Variants in DEPDC1B observed in about 807,000 individuals in gnomAD.
The protein encoded by DEPDC1B is DEP domain-containing protein 1B.
Under a neutral mutation model 66.5 loss-of-function variants are expected in DEPDC1B, and 51 were observed. The observed-to-expected ratio is 0.77, with a 90% CI of 0.61 to 0.97. The LOEUF (loss-of-function observed/expected upper bound fraction) is 0.97. Among genes scored for constraint, DEPDC1B ranks in the 50% least tolerant of loss-of-function variants. The probability of loss-of-function intolerance (pLI) is 0.00; values close to 1 mark genes in which losing one functional copy is unlikely to be tolerated. For missense variants in DEPDC1B, 552 were observed against 637.1 expected (o/e 0.87, Z 1.44); for synonymous variants, 226 against 223.6 (o/e 1.01, Z -0.10).
chr5:60,635,081 A>AC (rs397707390), intron 7 of DEPDC1B, among the ~76,000 whole-genome samples: 4 of 150,526 alleles, frequency 2.7e-5, no homozygotes, highest in East Asian at 2.0e-4. Context: ...AAAAAAAAAA[A>AC]CTCCGGCCAT....
At chr5:60,689,917 C>G (rs976000777) in intron 1 of DEPDC1B, among the ~76,000 whole-genome samples, 1 of 152,052 alleles carries the variant, frequency 6.6e-6, no homozygotes, top group Non-Finnish European at 1.5e-5. Context: ...TGGTGTGTGC[C>G]TGTAGCTGCA....
chr5:60,647,571 G>C (rs369565330), intron 2 of DEPDC1B, 38 bp from the exon 3 acceptor site: 32 of 1,594,150 alleles, frequency 2.0e-5, no homozygotes, highest in Non-Finnish European at 2.5e-5. Context: ...ACTGCAGTCA[G>C]TGGGAGACAC....
Position 60,667,776 on chromosome 5 carries a change from C to T in DEPDC1B, c.314+19186G>A, listed in dbSNP as rs781290047. 6.9e-5 allele frequency among the ~76,000 whole-genome samples: 6 copies of T among 87,190 alleles called. 1 individual carries two copies. The highest frequency in any genetic ancestry group is 1.6e-4 in the African/African-American group (4 of 24,712). 57.2% of individuals were successfully genotyped at this position (87,190 alleles called of 152,430 possible). A position where few individuals can be genotyped will look rare whatever the true frequency, so the allele number is the denominator to read the frequency against. On this transcript the variant is annotated intron_variant, in intron 2 of 10. Coordinates refer to ENST00000265036, the MANE Select transcript of DEPDC1B (RefSeq NM_018369.3). ...ATATATATAAAAAATGGATATTTTA[C>T]ATATATATAAAAAATGGATATTTTA... is the stretch of plus-strand genomic sequence containing the variant.
At chr5:60,605,923 T>C in intron 7 of DEPDC1B, 67 bp from the exon 8 acceptor site, 4 of 1,354,598 alleles carry the variant, frequency 3.0e-6, no homozygotes, top group Non-Finnish European at 4.0e-6. Context: ...TATGGTTGTA[T>C]TTTAACAAAA....
chr5:60,681,612 GAAA>G, intron 2 of DEPDC1B, among the ~76,000 whole-genome samples: 1 of 152,128 alleles, frequency 6.6e-6, no homozygotes. Context: ...AAGGAAACAT[GAAA>G]CCTCCAAAGA....
chr5:60,658,230 C>T (rs2198865), intron 2 of DEPDC1B, among the ~76,000 whole-genome samples: 52,252 of 152,036 alleles, frequency 0.34, 10,597 homozygotes, highest in East Asian at 0.57. Flanking sequence ...TTAAGTTGAA[C>T]TTCCCCTTTC....
chr5:60,665,293 G>A lies in DEPDC1B; in HGVS notation c.315-17760C>T, dbSNP rs528677198. On this transcript the variant is annotated intron_variant, in intron 2 of 10. Coordinates refer to ENST00000265036, the MANE Select transcript of DEPDC1B (RefSeq NM_018369.3). ...TAGGCATTAATAGCACCCATGATAT[G>A]GCCAAATCATTATTTATTGGACCAG... 3.3e-5 allele frequency among the ~76,000 whole-genome samples: 5 copies of A among 152,246 alleles called. No homozygotes were observed. The South Asian group carries it at 8.3e-4, about 25-fold the overall frequency.
At chr5:60,677,616 A>C (rs1206850534) in intron 2 of DEPDC1B, among the ~76,000 whole-genome samples, 1 of 151,840 alleles carries the variant, frequency 6.6e-6, no homozygotes, top group Non-Finnish European at 1.5e-5. Context: ...GGCTCACTGC[A>C]CCCTTGAACT....
In DEPDC1B at chr5:60,605,549, G is replaced by A. The variant is rs535806198; in HGVS notation, c.1065+141C>T. ...TTTAAGACACTTAGAACAAAAGCAC[G>A]ACACAAGTCTGGGTGGACACTGACT... On this transcript the variant is annotated intron_variant, in intron 8 of 10. Coordinates refer to ENST00000265036, the MANE Select transcript of DEPDC1B (RefSeq NM_018369.3). 18 of 821,878 alleles carry A rather than the reference G, an allele frequency of 2.2e-5. No individual in the cohort carries two copies. In the South Asian group the frequency reaches 4.0e-4, roughly 18 times the overall value. The allele number at this position is 821,878 out of a possible 1,614,324, so 50.9% of individuals were successfully genotyped here.
chr5:60,684,997 G>C (rs777762447), intron 2 of DEPDC1B, among the ~76,000 whole-genome samples: 1 of 152,076 alleles, frequency 6.6e-6, no homozygotes, highest in Non-Finnish European at 1.5e-5. Flanking sequence ...TAATCATGAG[G>C]GTAATGCAAA....
intron 1 of DEPDC1B, 48 bp from the exon 2 acceptor site, chr5:60,687,275 A>C: frequency 6.4e-7 from 1 of 1,557,944 alleles, no homozygotes; most frequent in East Asian, 2.3e-5. Flanking sequence ...TGATTTTTTT[A>C]AGATTACTAC....
intron 2 of DEPDC1B, among the ~76,000 whole-genome samples, chr5:60,684,716 G>A (rs972665376): frequency 6.6e-6 from 1 of 152,030 alleles, no homozygotes; most frequent in Non-Finnish European, 1.5e-5. Flanking sequence ...AAAAGCACAG[G>A]TAACAAAAAC....
intron 5 of DEPDC1B, among the ~76,000 whole-genome samples, chr5:60,644,445 A>T (rs902214177): frequency 3.9e-5 from 6 of 152,144 alleles, no homozygotes; most frequent in Non-Finnish European, 8.8e-5. Flanking sequence ...ACTCTTGGTT[A>T]TGTCTTGAAT....
At chr5:60,601,741 T>C (rs1752202441) in intron 9 of DEPDC1B, among the ~76,000 whole-genome samples, 1 of 152,192 alleles carries the variant, frequency 6.6e-6, no homozygotes, top group African/African-American at 2.4e-5. Flanking sequence ...ATAACAATAA[T>C]GATGATACCA....
intron 7 of DEPDC1B, among the ~76,000 whole-genome samples, chr5:60,630,309 G>C (rs1752893635): frequency 6.6e-6 from 1 of 152,174 alleles, no homozygotes; most frequent in Non-Finnish European, 1.5e-5. Context: ...TCAGCTCCTT[G>C]CCCAGAGTAG....
intron 1 of DEPDC1B, among the ~76,000 whole-genome samples, chr5:60,693,201 T>C (rs7702459): frequency 0.093 from 14,183 of 152,144 alleles, 1,243 homozygotes; most frequent in African/African-American, 0.22. Flanking sequence ...TATGCACATG[T>C]TCACATACTA....
intron 7 of DEPDC1B, among the ~76,000 whole-genome samples, chr5:60,628,944 A>G (rs1435334519): frequency 6.6e-6 from 1 of 152,204 alleles, no homozygotes; most frequent in African/African-American, 2.4e-5. Context: ...TTCTTTCCCA[A>G]AAGTTCTATG....
At chr5:60,664,656 TAGA>T (rs1753797543) in intron 2 of DEPDC1B, among the ~76,000 whole-genome samples, 1 of 152,084 alleles carries the variant, frequency 6.6e-6, no homozygotes, top group Non-Finnish European at 1.5e-5. Context: ...AGCTCCTTTG[TAGA>T]AAAAGGACTT....
intron 2 of DEPDC1B, among the ~76,000 whole-genome samples, chr5:60,685,464 T>C (rs1754392358): frequency 6.6e-6 from 1 of 151,942 alleles, no homozygotes; most frequent in South Asian, 2.1e-4. Flanking sequence ...GAGGAAAAAA[T>C]AATTATTTAA....
Sources: gnomAD v4.1 joint callset for allele counts (sites outside exome capture counted in the v4.1 genomes callset) on GRCh38, gnomAD v4.1.1 for gene constraint, MANE v1.5 for transcripts, NCBI Gene and HGNC (gene_info 2026-07-23, HGNC 2026-07-21) for gene names.